The following EZH1 variants were observed in gnomAD, a reference collection of about 807,000 sequenced individuals.
EZH1 encodes the protein enhancer of zeste 1 polycomb repressive complex 2 subunit, also known as histone-lysine N-methyltransferase EZH1.
Under a neutral mutation model 100.5 loss-of-function variants are expected in EZH1, and 33 were observed. That is an observed-to-expected ratio of 0.33 (90% confidence interval 0.25 to 0.44). The LOEUF is 0.44. EZH1 is among the 20% of genes least tolerant of loss of function. The pLI, the probability that EZH1 is intolerant of heterozygous loss-of-function variation, is 1.00. For missense variants in EZH1, 475 were observed against 928.4 expected (o/e 0.51, Z 6.35); for synonymous variants, 272 against 313.8 (o/e 0.87, Z 1.41).
At chr17:42,729,356 G>A (rs552698502) in intron 2 of EZH1, 8 of 171,228 alleles carry the variant, frequency 4.7e-5, no homozygotes, top group Non-Finnish European at 7.4e-5. Flanking sequence ...GCATTGAGCC[G>A]TGACCACGCC....
chr17:42,712,760 AG>A (rs1360608398), intron 11 of EZH1, among the ~76,000 whole-genome samples: 6 of 151,986 alleles, frequency 3.9e-5, no homozygotes, highest in Admixed American at 6.6e-5. Context: ...AAAATTAGCC[AG>A]GCAGGGTGGC....
In EZH1 at chr17:42,701,214, C is replaced by T. The variant is rs1055395736; in HGVS notation, c.*1318G>A. On this transcript the variant is annotated 3_prime_UTR_variant, in exon 21 of 21. Transcript: ENST00000428826. ...AGAATCTCCCACCCTCTCTTCTTCCCCCTCCCTCAGGAGTGGGATTTAGGC... is the reference window on the plus strand; with the variant it reads ...AGAATCTCCCACCCTCTCTTCTTCCTCCTCCCTCAGGAGTGGGATTTAGGC... The T allele has an allele frequency of 6.5e-6, 1 of 152,814 alleles. No individual in the cohort carries two copies. Among genetic ancestry groups the T allele is most frequent in the African/African-American group, 2.4e-5 (1 of 41,438 alleles). The allele number at this position is 152,814 out of a possible 1,614,324, so 9.5% of individuals were successfully genotyped here. A position where few individuals can be genotyped will look rare whatever the true frequency, so the allele number is the denominator to read the frequency against.
intron 13 of EZH1, chr17:42,709,231 T>G: frequency 2.0e-5 from 6 of 305,408 alleles, no homozygotes; most frequent in Non-Finnish European, 3.1e-5. Flanking sequence ...TCCAAATCTC[T>G]CCCTTTGTCT....
chr17:42,728,383 G>A (rs1290388872), intron 3 of EZH1, among the ~76,000 whole-genome samples: 6 of 150,262 alleles, frequency 4.0e-5, no homozygotes, highest in African/African-American at 1.5e-4. Flanking sequence ...CAAAGTGCTG[G>A]GATTACAGGT....
intron 1 of EZH1, among the ~76,000 whole-genome samples, chr17:42,736,685 T>G (rs2054069905): frequency 6.6e-6 from 1 of 151,910 alleles, no homozygotes; most frequent in African/African-American, 2.4e-5. Context: ...AATACAAAAA[T>G]TAGCTGGGCA....
chr17:42,725,042 C>G (rs1485736621), intron 4 of EZH1, among the ~76,000 whole-genome samples: 1 of 150,844 alleles, frequency 6.6e-6, no homozygotes, highest in Non-Finnish European at 1.5e-5. Context: ...TGGCACATGC[C>G]TGTAGTCCCA....
intron 13 of EZH1, 66 bp from the exon 14 acceptor site, chr17:42,708,982 G>A (rs1469455302): frequency 2.5e-6 from 4 of 1,576,244 alleles, no homozygotes; most frequent in Non-Finnish European, 3.5e-6. Context: ...GCAGGTAAAT[G>A]ACAACGTGAC....
At chr17:42,712,209 G>T in intron 12 of EZH1, 80 bp downstream of exon 12, 1 of 1,442,942 alleles carries the variant, frequency 6.9e-7, no homozygotes, top group Non-Finnish European at 9.5e-7. Context: ...CAGACACACA[G>T]CCTGGTAAGA....
At chr17:42,715,244 TATA>T (rs1332942187) in intron 10 of EZH1, among the ~76,000 whole-genome samples, 81 of 140,432 alleles carry the variant, frequency 5.8e-4, no homozygotes, top group African/African-American at 1.9e-3. Flanking sequence ...TTATATATAA[TATA>T]ATATATAATA....
chr17:42,739,170 T>C (rs2054128831), intron 1 of EZH1, among the ~76,000 whole-genome samples: 1 of 152,188 alleles, frequency 6.6e-6, no homozygotes, highest in Non-Finnish European at 1.5e-5. Flanking sequence ...AACACACCTT[T>C]GGGTCATTCT....
chr17:42,719,068 A>G, intron 8 of EZH1, 37 bp downstream of exon 8: 1 of 1,500,534 alleles, frequency 6.7e-7, no homozygotes, highest in East Asian at 2.3e-5. Flanking sequence ...TTGTCCGAGC[A>G]CTCTGTATAT....
At chr17:42,715,152 T>G in intron 10 of EZH1, among the ~76,000 whole-genome samples, 1 of 141,350 alleles carries the variant, frequency 7.1e-6, no homozygotes, top group Non-Finnish European at 1.5e-5. Context: ...TATTATATAT[T>G]ATAGATTATA....
At chr17:42,708,107 T>A in intron 14 of EZH1, 24 bp from the exon 15 acceptor site, 2 of 1,579,420 alleles carry the variant, frequency 1.3e-6, no homozygotes, top group Non-Finnish European at 1.7e-6. Context: ...CAGAGGAGGA[T>A]GCTGCTGTGA....
At chr17:42,709,748 G>T in intron 13 of EZH1, 98 bp downstream of exon 13, 1 of 1,139,844 alleles carries the variant, frequency 8.8e-7, no homozygotes, top group Non-Finnish European at 1.3e-6. Context: ...AGCCTGTGCG[G>T]TTGCTAAAGA....
chr17:42,717,864 C>CA (rs2053635910), intron 10 of EZH1, 112 bp downstream of exon 10: 1 of 941,390 alleles, frequency 1.1e-6, no homozygotes, highest in Admixed American at 2.2e-5. Context: ...TCCTTAAGAG[C>CA]AAAAGCCATG....
At position 42,708,022 on chromosome 17, in the gene EZH1, G is replaced by A; in HGVS notation, c.1596C>T (p.Asp532=). The stretch of plus-strand genomic sequence containing the variant: ...GAGTCATGATGCAGGGGCAGGTGCT[G>A]TCACAGGGGCGGTCTGGGTGGTCGC... ...QPCDHPDRPC[D]STCPCIMTQN... is the part of the protein sequence containing the mutation. Residue 532 remains aspartate (D), a synonymous_variant, in exon 15 of 21, where the codon GAC becomes GAT. Transcript: ENST00000428826. 3 of 1,613,400 alleles carry A rather than the reference G, an allele frequency of 1.9e-6. No homozygotes were observed. The highest frequency in any genetic ancestry group is 1.3e-5 in the African/African-American group (1 of 74,806).
rs749075840 is a variant in EZH1 at position 42,724,445 on chromosome 17, T to C, written c.247-21A>G. ...GTACACTGAAATATAAGCAATGACA[T>C]GGAGAGGGAAAGACGGGCATATAAC... On this transcript the variant is annotated intron_variant, in intron 4 of 20. Coordinates refer to ENST00000428826, the MANE Select transcript of EZH1 (RefSeq NM_001991.5). 5.0e-6 allele frequency: 8 copies of C among 1,611,588 alleles called. No homozygotes were observed. In the Admixed American group the frequency reaches 1.2e-4, roughly 24 times the overall value.
Position 42,722,902 on chromosome 17 carries a change from G to A in EZH1, c.380C>T (p.Thr127Met), listed in dbSNP as rs756635466. The stretch of plus-strand genomic sequence containing the variant: ...CATGTAGGGAATATTGCACAAAACC[G>A]TCTCATCTTCTACCTGAAACCAAAC... ...LQQNFMVEDE[T>M]VLCNIPYMGD... The change falls in exon 6 of 21, where the codon ACG becomes ATG. Residue 127 changes from threonine (T) to methionine (M), a missense_variant. Physicochemically the swap from Thr to Met is moderately conservative, Grantham distance 81. This residue lies in a region of EZH1 where 17 missense variants were observed against 68.0 expected (regional missense o/e 0.25). Coordinates refer to ENST00000428826, the MANE Select transcript of EZH1 (RefSeq NM_001991.5). 15 of 1,613,016 alleles carry A rather than the reference G, an allele frequency of 9.3e-6. No homozygotes were observed. Among genetic ancestry groups the A allele is most frequent in the African/African-American group, 8.0e-5 (6 of 74,824 alleles).
At chr17:42,710,521 G>C (rs540809143) in intron 12 of EZH1, among the ~76,000 whole-genome samples, 7 of 152,074 alleles carry the variant, frequency 4.6e-5, no homozygotes, top group African/African-American at 1.7e-4. Context: ...GAACATTCTT[G>C]CATACAAATC....
Sources: gnomAD v4.1 joint callset for allele counts (sites outside exome capture counted in the v4.1 genomes callset) on GRCh38, gnomAD v4.1.1 for gene constraint, gnomAD v4.1.1 regional missense constraint, MANE v1.5 for transcripts, NCBI Gene and HGNC (gene_info 2026-07-23, HGNC 2026-07-21) for gene names.